The following SGCZ variants were observed in gnomAD, a reference collection of about 807,000 sequenced individuals.
SGCZ encodes the protein zeta-sarcoglycan.
Under a neutral mutation model 41.3 loss-of-function variants are expected in SGCZ, and 40 were observed. The ratio of observed to expected loss-of-function variants is 0.97; its 90% CI spans 0.75 to 1.26. SGCZ has a LOEUF of 1.26. SGCZ is among the 50% of genes most tolerant of loss of function. The pLI, the probability that SGCZ is intolerant of heterozygous loss-of-function variation, is 0.00. For synonymous variants in SGCZ, 206 were observed against 137.5 expected (o/e 1.50, Z -3.49); for missense variants, 552 against 369.8 (o/e 1.49, Z -4.04).
intron 1 of SGCZ, among the ~76,000 whole-genome samples, chr8:15,070,314 TAAA>T (rs1402110992): frequency 1.3e-5 from 2 of 152,190 alleles, no homozygotes; most frequent in Non-Finnish European, 2.9e-5. Flanking sequence ...TCATCTTCTC[TAAA>T]GGCTTTCCTA....
At chr8:14,605,118 G>C (rs1005480364) in intron 1 of SGCZ, among the ~76,000 whole-genome samples, 3 of 152,038 alleles carry the variant, frequency 2.0e-5, no homozygotes, top group African/African-American at 7.2e-5. Flanking sequence ...TTGTTAAAAG[G>C]GTTCAGCAGA....
At chr8:14,820,589 T>C (rs1802045620) in intron 1 of SGCZ, among the ~76,000 whole-genome samples, 1 of 152,102 alleles carries the variant, frequency 6.6e-6, no homozygotes, top group Non-Finnish European at 1.5e-5. Context: ...GATTACATGT[T>C]AGATCACAAA....
At chr8:14,584,856 T>A (rs981591148) in intron 1 of SGCZ, among the ~76,000 whole-genome samples, 7 of 152,120 alleles carry the variant, frequency 4.6e-5, no homozygotes, top group African/African-American at 1.7e-4. Flanking sequence ...TAAGTACTAT[T>A]ATTCCCAATT....
chr8:14,944,223 T>C (rs1433626341), intron 1 of SGCZ, among the ~76,000 whole-genome samples: 2 of 152,208 alleles, frequency 1.3e-5, no homozygotes, highest in Non-Finnish European at 2.9e-5. Flanking sequence ...GCTACAGTTC[T>C]TGGTAGATCT....
intron 2 of SGCZ, among the ~76,000 whole-genome samples, chr8:14,420,681 A>G (rs1585486143): frequency 1.3e-5 from 2 of 152,200 alleles, no homozygotes; most frequent in East Asian, 1.9e-4. Flanking sequence ...GAAATACCAC[A>G]GTAAAGCAGA....
intron 1 of SGCZ, among the ~76,000 whole-genome samples, chr8:14,829,565 A>C (rs1376737587): frequency 6.6e-6 from 1 of 152,166 alleles, no homozygotes; most frequent in African/African-American, 2.4e-5. Flanking sequence ...ACAAGAAATT[A>C]AGGTTGTTAA....
chr8:14,682,680 C>T (rs933722906), intron 1 of SGCZ, among the ~76,000 whole-genome samples: 5 of 152,044 alleles, frequency 3.3e-5, no homozygotes, highest in Admixed American at 2.0e-4. Context: ...GTGATCGGCC[C>T]GCCTCGGCCT....
At chr8:14,314,804 T>G (rs188778530) in intron 3 of SGCZ, among the ~76,000 whole-genome samples, 2 of 152,120 alleles carry the variant, frequency 1.3e-5, no homozygotes, top group African/African-American at 4.8e-5. Context: ...GCTCTAAAAA[T>G]ATTAAAAAGC....
chr8:14,160,562 G>T (rs184741677), intron 5 of SGCZ, among the ~76,000 whole-genome samples: 11 of 152,272 alleles, frequency 7.2e-5, no homozygotes, highest in Admixed American at 5.2e-4. Context: ...GACATGTTAA[G>T]GTCAAATAAG....
At chr8:14,571,215 G>T (rs895615991) in intron 1 of SGCZ, among the ~76,000 whole-genome samples, 10 of 152,162 alleles carry the variant, frequency 6.6e-5, no homozygotes, top group African/African-American at 2.4e-4. Flanking sequence ...AGAAAGAGCA[G>T]ATCTCATGAT....
At chr8:14,169,603 C>T (rs1249999092) in intron 4 of SGCZ, among the ~76,000 whole-genome samples, 1 of 152,130 alleles carries the variant, frequency 6.6e-6, no homozygotes, top group Non-Finnish European at 1.5e-5. Flanking sequence ...ATCTCCTTTA[C>T]CAACAACACA....
At chr8:15,213,994 C>A (rs1801319366) in intron 1 of SGCZ, among the ~76,000 whole-genome samples, 1 of 151,802 alleles carries the variant, frequency 6.6e-6, no homozygotes, top group Non-Finnish European at 1.5e-5. Flanking sequence ...TTTAAACTTG[C>A]CTAAGTTATT....
At chr8:14,911,453 T>A (rs1298218730) in intron 1 of SGCZ, among the ~76,000 whole-genome samples, 1 of 152,024 alleles carries the variant, frequency 6.6e-6, no homozygotes, top group Non-Finnish European at 1.5e-5. Context: ...AAGTATTTGG[T>A]AACTAAGAAA....
intron 2 of SGCZ, among the ~76,000 whole-genome samples, chr8:14,387,752 ATT>A (rs1403758609): frequency 1.3e-5 from 2 of 152,094 alleles, no homozygotes; most frequent in East Asian, 3.9e-4. Flanking sequence ...TAATTTTATT[ATT>A]GTTATTTACC....
rs745876683 is a variant in SGCZ, at chr8:14,164,700, C to T, written c.427G>A (p.Ala143Thr). Residue 143 changes from alanine to threonine, a missense_variant and splice_region_variant, in exon 5 of 8, where the codon GCT becomes ACT. Transcript: ENST00000382080. ...TTACACTGAGCTTCCACAGCATCAGCTCCTATGGTCAGAGGAAAGGTTTAA... is the reference window on the plus strand; with the variant it reads ...TTACACTGAGCTTCCACAGCATCAGTTCCTATGGTCAGAGGAAAGGTTTAA... The part of the protein sequence containing the change: ...GQLTGQLTIG[A>T]DAVEAQCKRF... The T allele has an allele frequency of 1.2e-6, 2 of 1,613,352 alleles. No homozygotes were observed. Among genetic ancestry groups the T allele is most frequent in the Admixed American group, 1.7e-5 (1 of 59,922 alleles).
chr8:14,201,932 A>C (rs1280497753), intron 4 of SGCZ, among the ~76,000 whole-genome samples: 2 of 152,208 alleles, frequency 1.3e-5, no homozygotes, highest in African/African-American at 4.8e-5. Context: ...AACTTTTTAA[A>C]ATATGAAAAT....
intron 1 of SGCZ, among the ~76,000 whole-genome samples, chr8:14,903,747 T>C (rs1046192334): frequency 5.9e-5 from 9 of 152,000 alleles, no homozygotes; most frequent in African/African-American, 2.2e-4. Flanking sequence ...TCAGAGTACA[T>C]TATATACTAG....
chr8:14,617,833 T>C (rs1303268224), intron 1 of SGCZ, among the ~76,000 whole-genome samples: 1 of 133,658 alleles, frequency 7.5e-6, no homozygotes, highest in Non-Finnish European at 1.6e-5. Flanking sequence ...TAAGTTTTTA[T>C]AATTTTTTGT....
intron 4 of SGCZ, among the ~76,000 whole-genome samples, chr8:14,230,697 T>C (rs1182699954): frequency 6.6e-6 from 1 of 151,224 alleles, no homozygotes; most frequent in Non-Finnish European, 1.5e-5. Flanking sequence ...TATATATTCC[T>C]ACATGTTTTA....
Sources: gnomAD v4.1 joint callset for allele counts (sites outside exome capture counted in the v4.1 genomes callset) on GRCh38, gnomAD v4.1.1 for gene constraint, MANE v1.5 for transcripts, NCBI Gene and HGNC (gene_info 2026-07-23, HGNC 2026-07-21) for gene names.